UBE2E2: variants seen among roughly 807,000 people sequenced by gnomAD.
The protein encoded by UBE2E2 is ubiquitin-conjugating enzyme E2 E2.
UBE2E2 carries 6 observed loss-of-function variants against 24.7 expected under a neutral mutation model. That is an observed-to-expected ratio of 0.24 (90% CI 0.13 to 0.48). The LOEUF is 0.48. Ranked by LOEUF, UBE2E2 falls within the 20% of genes least tolerant of loss-of-function variation. The pLI is 0.99. For missense variants in UBE2E2, 169 were observed against 245.0 expected (o/e 0.69, Z 2.07); for synonymous variants, 104 against 83.6 (o/e 1.24, Z -1.33).
intron 3 of UBE2E2, among the ~76,000 whole-genome samples, chr3:23,324,027 T>C (rs879942745): frequency 1.3e-5 from 2 of 152,188 alleles, no homozygotes; most frequent in Non-Finnish European, 2.9e-5. Context: ...TGTGTGTCTG[T>C]AAACTGTATA....
chr3:23,466,803 G>C (rs1481152237), intron 3 of UBE2E2, among the ~76,000 whole-genome samples: 1 of 151,940 alleles, frequency 6.6e-6, no homozygotes, highest in African/African-American at 2.4e-5. Context: ...CCCTGACCTT[G>C]TGATCCACCC....
intron 5 of UBE2E2, among the ~76,000 whole-genome samples, chr3:23,547,388 G>A (rs1033990132): frequency 4.6e-5 from 7 of 152,144 alleles, no homozygotes; most frequent in African/African-American, 9.7e-5. Context: ...AGCTGACTAT[G>A]GTCTGTATAC....
chr3:23,461,668 T>G (rs771750476), intron 3 of UBE2E2, among the ~76,000 whole-genome samples: 2 of 152,166 alleles, frequency 1.3e-5, no homozygotes, highest in Non-Finnish European at 2.9e-5. Flanking sequence ...TACATTTTAG[T>G]TGAAGCAATA....
intron 5 of UBE2E2, among the ~76,000 whole-genome samples, chr3:23,561,977 A>T (rs535554544): frequency 1.3e-5 from 2 of 152,180 alleles, no homozygotes; most frequent in East Asian, 1.9e-4. Context: ...GGCTGAGACA[A>T]TGGGATTTTC....
At chr3:23,231,860 T>G (rs975183536) in intron 3 of UBE2E2, among the ~76,000 whole-genome samples, 1 of 152,134 alleles carries the variant, frequency 6.6e-6, no homozygotes, top group Non-Finnish European at 1.5e-5. Context: ...TGAAAAGATA[T>G]ATAGGTTGAG....
chr3:23,412,781 A>G (rs1697523148), intron 3 of UBE2E2, among the ~76,000 whole-genome samples: 1 of 152,168 alleles, frequency 6.6e-6, no homozygotes, highest in Admixed American at 6.6e-5. Flanking sequence ...CTTGTTAGGA[A>G]TGTAAATCCT....
In UBE2E2 at chr3:23,346,199, G is replaced by A. The variant is rs1695550395; in HGVS notation, c.227+128887G>A. Among the ~76,000 whole-genome samples, 3 of 151,602 alleles carry A rather than the reference G, an allele frequency of 2.0e-5. 1 individual carries two copies. In the South Asian group the frequency reaches 6.2e-4, roughly 31 times the overall value. Reference sequence around the variant, plus strand: ...CAGAGCCTGTTGAATTTCAACAAAAGTTAAGTATTTTGTAGGACATACAAC... The same window carrying A: ...CAGAGCCTGTTGAATTTCAACAAAAATTAAGTATTTTGTAGGACATACAAC... On this transcript the variant is annotated intron_variant, in intron 3 of 5. Coordinates refer to ENST00000396703, the MANE Select transcript of UBE2E2 (RefSeq NM_152653.4).
intron 4 of UBE2E2, among the ~76,000 whole-genome samples, chr3:23,524,865 G>GACACACAC (rs59806964): frequency 0.11 from 16,560 of 147,420 alleles, 1,021 homozygotes; most frequent in East Asian, 0.24. Flanking sequence ...CAGACACACA[G>GACACACAC]ACACACACAC....
intron 3 of UBE2E2, among the ~76,000 whole-genome samples, chr3:23,235,253 G>C (rs935844557): frequency 6.6e-6 from 1 of 152,112 alleles, no homozygotes; most frequent in Non-Finnish European, 1.5e-5. Flanking sequence ...TTTTAGTGTG[G>C]GGTTCTAGTT....
At chr3:23,350,372 C>T (rs1462322776) in intron 3 of UBE2E2, among the ~76,000 whole-genome samples, 2 of 152,204 alleles carry the variant, frequency 1.3e-5, no homozygotes, top group South Asian at 2.1e-4. Context: ...AGCAATGGAA[C>T]GAAGCTGGAC....
intron 3 of UBE2E2, among the ~76,000 whole-genome samples, chr3:23,472,702 G>T (rs961734714): frequency 2.0e-5 from 3 of 150,176 alleles, no homozygotes; most frequent in African/African-American, 4.9e-5. Context: ...AGGCTGGAGT[G>T]CAGTGCCGTG....
intron 3 of UBE2E2, among the ~76,000 whole-genome samples, chr3:23,461,474 AT>A (rs2125425530): frequency 6.6e-6 from 1 of 152,310 alleles, no homozygotes; most frequent in East Asian, 1.9e-4. Flanking sequence ...TGAAAAAAAA[AT>A]AAGGATTTTT....
intron 3 of UBE2E2, among the ~76,000 whole-genome samples, chr3:23,346,730 A>C (rs145366476): frequency 9.3e-4 from 142 of 152,230 alleles, no homozygotes; most frequent in African/African-American, 3.2e-3. Context: ...TCTTTTCGGT[A>C]TGTTCCTTTT....
At chr3:23,379,542 G>A (rs6802465) in intron 3 of UBE2E2, among the ~76,000 whole-genome samples, 79,677 of 147,948 alleles carry the variant, frequency 0.54, 21,603 homozygotes, top group Admixed American at 0.65. Context: ...ATGATTTCCA[G>A]TTTCATCCAT....
chr3:23,456,562 C>T (rs962865199), intron 3 of UBE2E2, among the ~76,000 whole-genome samples: 6 of 152,190 alleles, frequency 3.9e-5, no homozygotes, highest in Non-Finnish European at 5.9e-5. Context: ...TCTCCTTATA[C>T]ATCTCCACCA....
At position 23,345,643 on chromosome 3, in the gene UBE2E2, T is replaced by C. The variant is rs955959218; in HGVS notation, c.227+128331T>C. ...GTATAGGAAGAGTAAGTCACTGATA[T>C]TGAGTAAATTAAAGTTATAGACATT... is the stretch of plus-strand genomic sequence containing the variant. On this transcript the variant is annotated intron_variant, in intron 3 of 5. Transcript: ENST00000396703. 1.1e-4 allele frequency among the ~76,000 whole-genome samples: 17 copies of C among 152,140 alleles called. No individual in the cohort carries two copies. In the East Asian group the frequency reaches 1.2e-3, roughly 10 times the overall value.
chr3:23,491,904 C>T (rs1015196236), intron 3 of UBE2E2, among the ~76,000 whole-genome samples: 1 of 152,042 alleles, frequency 6.6e-6, no homozygotes, highest in Admixed American at 6.6e-5. Context: ...ACAGAGATAA[C>T]AATGAAGTAA....
intron 5 of UBE2E2, among the ~76,000 whole-genome samples, chr3:23,582,100 TTG>T (rs1671263379): frequency 6.6e-6 from 1 of 152,152 alleles, no homozygotes; most frequent in Non-Finnish European, 1.5e-5. Context: ...GTTTGCTTCT[TTG>T]TGTCCATGGG....
At chr3:23,541,649 G>T (rs1385217986) in intron 5 of UBE2E2, among the ~76,000 whole-genome samples, 1 of 152,228 alleles carries the variant, frequency 6.6e-6, no homozygotes, top group East Asian at 1.9e-4. Context: ...GTTGCCACAT[G>T]AAGCTTTTAT....
Sources: gnomAD v4.1 joint callset for allele counts (sites outside exome capture counted in the v4.1 genomes callset) on GRCh38, gnomAD v4.1.1 for gene constraint, MANE v1.5 for transcripts, NCBI Gene and HGNC (gene_info 2026-07-23, HGNC 2026-07-21) for gene names.